Variants in POC1A observed in about 807,000 individuals in gnomAD.
POC1A encodes POC1 centriolar protein A.
POC1A carries 34 observed loss-of-function variants against 47.8 expected under a neutral mutation model. The observed-to-expected ratio is 0.71, with a 90% CI of 0.54 to 0.95. The LOEUF (loss-of-function observed/expected upper bound fraction) is 0.95, where lower values mean the gene tolerates loss of function less well. POC1A is among the 40% of genes least tolerant of loss of function. POC1A has a pLI of 0.00. For missense variants in POC1A, 466 were observed against 528.3 expected (o/e 0.88, Z 1.16); for synonymous variants, 177 against 207.6 (o/e 0.85, Z 1.27).
intron 9 of POC1A, among the ~76,000 whole-genome samples, chr3:52,105,217 A>C (rs1479759077): frequency 2.6e-5 from 4 of 152,206 alleles, no homozygotes; most frequent in Non-Finnish European, 5.9e-5. Context: ...ACTGAAAACC[A>C]AGGCATGTCA....
chr3:52,148,221 G>GC (rs1384651080), intron 4 of POC1A, among the ~76,000 whole-genome samples: 3 of 152,242 alleles, frequency 2.0e-5, no homozygotes, highest in African/African-American at 4.8e-5. Context: ...CCTGGGGACT[G>GC]CCACCAAAGG....
intron 6 of POC1A, among the ~76,000 whole-genome samples, chr3:52,138,503 TG>T (rs1442878588): frequency 1.9e-4 from 29 of 152,250 alleles, no homozygotes; most frequent in African/African-American, 6.7e-4. Flanking sequence ...GGAAAAGGCC[TG>T]TTCAGAGCCA....
chr3:52,113,283 G>A (rs1394979619), intron 9 of POC1A, among the ~76,000 whole-genome samples: 1 of 152,216 alleles, frequency 6.6e-6, no homozygotes, highest in African/African-American at 2.4e-5. Flanking sequence ...ACCCTGCCCT[G>A]GGCCTGGGTG....
At chr3:52,088,884 C>A (rs1203836563) in intron 10 of POC1A, among the ~76,000 whole-genome samples, 1 of 149,130 alleles carries the variant, frequency 6.7e-6, no homozygotes, top group Admixed American at 6.8e-5. Flanking sequence ...CCCAGCCCTC[C>A]CCCATCTCCA....
At chr3:52,146,869 A>G (rs1577922130) in intron 5 of POC1A, 119 bp downstream of exon 5, 1 of 787,356 alleles carries the variant, frequency 1.3e-6, no homozygotes, top group Admixed American at 1.8e-5. Context: ...AAGGGGCAGC[A>G]GTGATAAGGC....
chr3:52,138,504 G>A (rs553122533), intron 6 of POC1A, among the ~76,000 whole-genome samples: 39 of 152,140 alleles, frequency 2.6e-4, no homozygotes, highest in Admixed American at 2.6e-4. Flanking sequence ...GAAAAGGCCT[G>A]TTCAGAGCCA....
At chr3:52,078,499 ATC>A (rs1222885495) in intron 10 of POC1A, among the ~76,000 whole-genome samples, 3 of 148,126 alleles carry the variant, frequency 2.0e-5, no homozygotes, top group African/African-American at 4.9e-5. Flanking sequence ...AAACATGGAA[ATC>A]TCTTTTTTTT....
chr3:52,103,174 A>C (rs1019452719), intron 9 of POC1A, among the ~76,000 whole-genome samples: 1 of 152,286 alleles, frequency 6.6e-6, no homozygotes, highest in African/African-American at 2.4e-5. Flanking sequence ...ACTTCGGTAC[A>C]TACCTTGCAC....
chr3:52,097,586 C>T (rs1432260323), intron 9 of POC1A, among the ~76,000 whole-genome samples: 4 of 152,342 alleles, frequency 2.6e-5, no homozygotes, highest in African/African-American at 9.6e-5. Flanking sequence ...CCTCTGTGGA[C>T]TTGTTCCTGT....
intron 10 of POC1A, among the ~76,000 whole-genome samples, chr3:52,081,864 A>C (rs1702306214): frequency 6.6e-6 from 1 of 152,112 alleles, no homozygotes; most frequent in Admixed American, 6.5e-5. Context: ...GGGCAGGAGA[A>C]GCCAGGAAGG....
rs554948370 is a variant in POC1A at position 52,130,140 on chromosome 3, C to T, written c.814-4959G>A. ...CTGGCAAACCCACCACCACCTCTCA[C>T]GCGTTGCAAAATATTTTGTGTTGAC... On this transcript the variant is annotated intron_variant, in intron 7 of 10. Transcript: ENST00000296484. Among the ~76,000 whole-genome samples, 6 of 152,334 alleles carry T rather than the reference C, an allele frequency of 3.9e-5. No homozygotes were observed. In the South Asian group the frequency reaches 1.2e-3, roughly 32 times the overall value.
intron 9 of POC1A, among the ~76,000 whole-genome samples, chr3:52,104,588 C>T (rs1270361774): frequency 2.6e-5 from 4 of 152,248 alleles, no homozygotes; most frequent in African/African-American, 7.2e-5. Context: ...GCCACTCTGC[C>T]CTCAAGGTGA....
chr3:52,095,194 C>A (rs1226942578), intron 10 of POC1A, among the ~76,000 whole-genome samples: 1 of 152,190 alleles, frequency 6.6e-6, no homozygotes, highest in Non-Finnish European at 1.5e-5. Flanking sequence ...TAAGTCTTTG[C>A]ATGCTGCTCA....
At chr3:52,110,763 A>G (rs1703352382) in intron 9 of POC1A, among the ~76,000 whole-genome samples, 1 of 152,210 alleles carries the variant, frequency 6.6e-6, no homozygotes, top group Non-Finnish European at 1.5e-5. Context: ...GCCTGGGGCC[A>G]TGTGTGCCTT....
chr3:52,151,059 A>C lies in POC1A; in HGVS notation c.60T>G (p.Asp20Glu), dbSNP rs755505834. The C allele has an allele frequency of 1.9e-6, 3 of 1,612,252 alleles. No individual in the cohort carries two copies. Among genetic ancestry groups the C allele is most frequent in the Non-Finnish European group, 2.5e-6 (3 of 1,179,418 alleles). ...SLERHFKGHR[D>E]AVTCVDFSIN... ...TACTGAAGTCCACACAGGTAACTGC[A>C]TCTCGGTGGCCCTTAAAATGCCTTT... The change falls in exon 2 of 11, where the codon GAT becomes GAG. Residue 20 changes from aspartate to glutamate, a missense_variant. Physicochemically the swap from Asp to Glu is conservative, Grantham distance 45. Coordinates refer to ENST00000296484, the MANE Select transcript of POC1A (RefSeq NM_015426.5).
intron 9 of POC1A, among the ~76,000 whole-genome samples, chr3:52,113,347 C>T (rs1000864579): frequency 1.3e-5 from 2 of 152,152 alleles, no homozygotes; most frequent in African/African-American, 4.8e-5. Context: ...TTGCGAACAC[C>T]ACATTACTCA....
chr3:52,153,724 G>A (rs1437838821), intron 1 of POC1A, among the ~76,000 whole-genome samples: 1 of 152,234 alleles, frequency 6.6e-6, no homozygotes, highest in East Asian at 1.9e-4. Context: ...AGGAAGGGAG[G>A]TAGAGTACCA....
At chr3:52,127,394 CTT>C (rs11348693) in intron 7 of POC1A, among the ~76,000 whole-genome samples, 46 of 143,338 alleles carry the variant, frequency 3.2e-4, no homozygotes, top group South Asian at 6.6e-4. Flanking sequence ...TACTTTGAAC[CTT>C]TTTTTTTTTT....
intron 9 of POC1A, among the ~76,000 whole-genome samples, chr3:52,112,413 GTGGATCACC>G (rs1703416642): frequency 1.3e-5 from 2 of 152,212 alleles, no homozygotes; most frequent in Admixed American, 1.3e-4. Flanking sequence ...GCCAAGGTGG[GTGGATCACC>G]TGAAGTCAGG....
Sources: gnomAD v4.1 joint callset for allele counts (sites outside exome capture counted in the v4.1 genomes callset) on GRCh38, gnomAD v4.1.1 for gene constraint, MANE v1.5 for transcripts, NCBI Gene and HGNC (gene_info 2026-07-23, HGNC 2026-07-21) for gene names.